The following ANKDD1A variants were observed in gnomAD, a reference collection of about 807,000 sequenced individuals.
The protein encoded by ANKDD1A is ankyrin repeat and death domain containing 1A, also known as ankyrin repeat and death domain-containing protein 1A.
ANKDD1A carries 59 observed loss-of-function variants against 63.5 expected under a neutral mutation model. The observed-to-expected ratio is 0.93, with a 90% CI of 0.75 to 1.15. The LOEUF is 1.15. Among genes scored for constraint, ANKDD1A ranks in the 50% most tolerant of loss-of-function variants. ANKDD1A has a pLI of 0.00. For missense variants in ANKDD1A, 632 were observed against 656.4 expected (o/e 0.96, Z 0.41); for synonymous variants, 266 against 263.9 (o/e 1.01, Z -0.08).
At chr15:64,949,133 G>T (rs1223467589) in intron 13 of ANKDD1A, among the ~76,000 whole-genome samples, 1 of 152,242 alleles carries the variant, frequency 6.6e-6, no homozygotes, top group Non-Finnish European at 1.5e-5. Context: ...GATGGGCGTG[G>T]CCCAGCATCT....
At position 64,922,189 on chromosome 15, in the gene ANKDD1A, T is replaced by C. The variant is rs2085012830; in HGVS notation, c.366+170T>C. 4 of 600,270 alleles carry C rather than the reference T, an allele frequency of 6.7e-6. No individual in the cohort carries two copies. The South Asian group carries it at 8.4e-5, about 13-fold the overall frequency. The allele number at this position is 600,270 out of a possible 1,614,324, so 37.2% of individuals were successfully genotyped here. A position where few individuals can be genotyped will look rare whatever the true frequency, so the allele number is the denominator to read the frequency against. ...CACCTCCCTTTACTATTCGGTGAGT[T>C]GGGAGAGTTCCCAGCCCTCTGGCTG... On this transcript the variant is annotated intron_variant, in intron 4 of 14. Coordinates refer to ENST00000319580, the MANE Select transcript of ANKDD1A (RefSeq NM_182703.6).
intron 14 of ANKDD1A, among the ~76,000 whole-genome samples, chr15:64,952,977 T>TTTCTCTTC (rs1491151946): frequency 2.6e-5 from 3 of 113,402 alleles, no homozygotes; most frequent in Non-Finnish European, 5.6e-5. Flanking sequence ...CTTTTCTTCT[T>TTTCTCTTC]GTCTCTCCTT....
At chr15:64,943,771 C>T (rs1228512295) in intron 11 of ANKDD1A, 189 bp downstream of exon 11, 1 of 614,376 alleles carries the variant, frequency 1.6e-6, no homozygotes, top group Non-Finnish European at 2.9e-6. Flanking sequence ...CCTCTCTCTA[C>T]TAAGGTCCTT....
Position 64,934,171 on chromosome 15 carries a change from T to G in ANKDD1A, c.804T>G (p.Ser268Arg), listed in dbSNP as rs769128553. The change falls in exon 9 of 15, where the codon AGT becomes AGG. Residue 268 changes from serine (S) to arginine (R), a missense_variant. By Grantham distance (110) the Ser-to-Arg change is moderately radical. Transcript: ENST00000319580. The stretch of plus-strand genomic sequence containing the variant: ...GCTGCCTTCACTATGCAGCCCTCAG[T>G]GGCTCGGAGGATGTGTCTCGGGTCC... ...NLSCLHYAAL[S>R]GSEDVSRVLI... 1.7e-5 allele frequency: 27 copies of G among 1,612,174 alleles called. No homozygotes were observed. In the Admixed American group the frequency reaches 4.5e-4, roughly 27 times the overall value.
intron 2 of ANKDD1A, 66 bp from the exon 3 acceptor site, chr15:64,917,320 T>C (rs1595845894): frequency 2.0e-6 from 3 of 1,507,180 alleles, no homozygotes; most frequent in Admixed American, 1.9e-5. Flanking sequence ...TGGGGGAGGG[T>C]GTGGGAGGTG....
At chr15:64,953,484 CCTT>C (rs145820522) in intron 14 of ANKDD1A, among the ~76,000 whole-genome samples, 73,557 of 137,418 alleles carry the variant, frequency 0.54, 20,313 homozygotes, top group East Asian at 0.85. Flanking sequence ...TCTTCCTTCT[CCTT>C]CTTCTTTAGT....
At chr15:64,934,300 G>A (rs1595851621) in intron 9 of ANKDD1A, 66 bp downstream of exon 9, 3 of 1,473,302 alleles carry the variant, frequency 2.0e-6, no homozygotes, top group East Asian at 4.7e-5. Flanking sequence ...CACTGATGAA[G>A]CACAGGGAGA....
intron 4 of ANKDD1A, among the ~76,000 whole-genome samples, chr15:64,925,219 C>T (rs552457472): frequency 7.6e-6 from 1 of 131,416 alleles, no homozygotes; most frequent in African/African-American, 3.0e-5. Flanking sequence ...CAGAGTGAGA[C>T]TCCGACTCAA....
intron 1 of ANKDD1A, among the ~76,000 whole-genome samples, chr15:64,913,171 T>C (rs929595483): frequency 5.3e-5 from 8 of 152,292 alleles, no homozygotes; most frequent in African/African-American, 1.4e-4. Flanking sequence ...AAGCTGCACA[T>C]AAGATAGAGG....
At position 64,958,117 on chromosome 15, in the gene ANKDD1A, A is replaced by AAGAC. The variant is rs1242608836; in HGVS notation, c.*932_*935dup. The AAGAC allele has an allele frequency of 6.6e-6, 1 of 152,246 alleles. No homozygotes were observed. Among genetic ancestry groups the AAGAC allele is most frequent in the Non-Finnish European group, 1.5e-5 (1 of 68,050 alleles). The allele number at this position is 152,246 out of a possible 1,614,324, so 9.4% of individuals were successfully genotyped here. On this transcript the variant is annotated 3_prime_UTR_variant, in exon 15 of 15. Transcript: ENST00000319580. ...ACATGCTGGAACAGGCAAAACTACA[A>AAGAC]AGACAGTAAAAAGATCAGTGATTTC...
chr15:64,950,096 C>T, intron 14 of ANKDD1A, 124 bp downstream of exon 14: 1 of 1,507,448 alleles, frequency 6.6e-7, no homozygotes, highest in Non-Finnish European at 8.9e-7. Flanking sequence ...CTTCCAGATT[C>T]CTACCCCTAG....
At chr15:64,951,285 C>A (rs1177154670) in intron 14 of ANKDD1A, 1 of 912,202 alleles carries the variant, frequency 1.1e-6, no homozygotes, top group African/African-American at 2.7e-5. Flanking sequence ...TCTTCTTTTT[C>A]TTTTCTTCTT....
chr15:64,934,490 T>C (rs1211200982), intron 9 of ANKDD1A, among the ~76,000 whole-genome samples: 5 of 151,236 alleles, frequency 3.3e-5, no homozygotes, highest in African/African-American at 9.7e-5. Context: ...GGGGCTTTTT[T>C]TTTTCTTTTC....
chr15:64,949,734 A>G, intron 13 of ANKDD1A, 107 bp from the exon 14 acceptor site: 1 of 1,507,676 alleles, frequency 6.6e-7, no homozygotes, highest in Non-Finnish European at 8.9e-7. Context: ...CCTCTTTCCC[A>G]CCTGGGCATG....
intron 14 of ANKDD1A, among the ~76,000 whole-genome samples, chr15:64,954,159 C>A (rs1178601934): frequency 2.1e-5 from 1 of 48,470 alleles, no homozygotes; most frequent in Non-Finnish European, 7.4e-5. Flanking sequence ...CCTTATTATT[C>A]TTTCTTCTTT....
chr15:64,916,944 A>G (rs1321159428), intron 2 of ANKDD1A, among the ~76,000 whole-genome samples: 1 of 152,160 alleles, frequency 6.6e-6, no homozygotes, highest in Non-Finnish European at 1.5e-5. Flanking sequence ...AAGGAAGGGG[A>G]CAGAACCCAG....
chr15:64,921,608 CAT>C (rs369819811), intron 3 of ANKDD1A, among the ~76,000 whole-genome samples: 2 of 152,290 alleles, frequency 1.3e-5, no homozygotes, highest in African/African-American at 4.8e-5. Flanking sequence ...CTCCTGACCT[CAT>C]GTGATCCTCC....
rs1380006714 is a variant in ANKDD1A, at chr15:64,952,084, TTTTCTTCC to T, written c.1483+2114_1483+2121del. Among the ~76,000 whole-genome samples, 9 of 146,406 alleles carry T rather than the reference TTTTCTTCC, an allele frequency of 6.1e-5. No homozygotes were observed. The East Asian group carries it at 6.2e-4, about 10-fold the overall frequency. On this transcript the variant is annotated intron_variant, in intron 14 of 14. Coordinates refer to ENST00000319580, the MANE Select transcript of ANKDD1A (RefSeq NM_182703.6). ...GTTCTTCCTTTCTTCTTCTTCCTTC[TTTTCTTCC>T]TCTTCTTCCTTCTTTTCTTCTTCTT...
At chr15:64,951,553 TC>T (rs1297971755) in intron 14 of ANKDD1A, 2 of 22,100 alleles carry the variant, frequency 9.0e-5, no homozygotes, top group Non-Finnish European at 3.2e-4. Flanking sequence ...TTTCTTCTCT[TC>T]TTTCTTTTTC....
Sources: gnomAD v4.1 joint callset for allele counts (sites outside exome capture counted in the v4.1 genomes callset) on GRCh38, gnomAD v4.1.1 for gene constraint, MANE v1.5 for transcripts, NCBI Gene and HGNC (gene_info 2026-07-23, HGNC 2026-07-21) for gene names.